Variants in SRGAP1 observed in about 807,000 individuals in gnomAD.
SRGAP1 encodes the protein SLIT-ROBO Rho GTPase-activating protein 1.
In SRGAP1, 43 loss-of-function variants were observed where a neutral mutation model predicts 121.9. The ratio of observed to expected loss-of-function variants is 0.35; its 90% CI spans 0.28 to 0.46. The LOEUF (loss-of-function observed/expected upper bound fraction) is 0.46. Ranked by LOEUF, SRGAP1 falls within the 20% of genes least tolerant of loss-of-function variation. The pLI is 1.00. For synonymous variants in SRGAP1, 447 were observed against 485.4 expected, an observed-to-expected ratio of 0.92 and a Z score of 1.04; for missense variants, 1,102 against 1,350.9, an observed-to-expected ratio of 0.82 and a Z score of 2.89.
intron 3 of SRGAP1, among the ~76,000 whole-genome samples, chr12:63,997,864 A>G (rs1175915347): frequency 6.6e-6 from 1 of 152,176 alleles, no homozygotes; most frequent in Non-Finnish European, 1.5e-5. Context: ...ACTTCTGACT[A>G]TGACGGCAGA....
At chr12:64,036,566 A>T (rs116110882) in intron 4 of SRGAP1, among the ~76,000 whole-genome samples, 215 of 152,346 alleles carry the variant, frequency 1.4e-3, no homozygotes, top group African/African-American at 5.0e-3. Flanking sequence ...TGTCACTAAC[A>T]TACTGTTTTT....
At chr12:64,072,008 G>A (rs770453845) in intron 8 of SRGAP1, among the ~76,000 whole-genome samples, 2 of 151,720 alleles carry the variant, frequency 1.3e-5, no homozygotes, top group Admixed American at 6.6e-5. Context: ...AGAAGGCCAT[G>A]GCAGGATGCT....
intron 4 of SRGAP1, chr12:64,032,740 A>G: frequency 4.2e-6 from 1 of 238,774 alleles, no homozygotes; most frequent in Non-Finnish European, 8.2e-6. Context: ...GATCTTGAGC[A>G]CATTTCAAAC....
intron 1 of SRGAP1, among the ~76,000 whole-genome samples, chr12:63,865,089 C>T (rs984848281): frequency 1.1e-4 from 16 of 152,230 alleles, no homozygotes; most frequent in African/African-American, 3.6e-4. Context: ...TAGGCTGAAA[C>T]ACATTTTTAT....
chr12:64,144,744 T>C lies in SRGAP1; in HGVS notation c.*2072T>C, dbSNP rs1056409269. 2.0e-5 allele frequency: 3 copies of C among 150,736 alleles called. No individual in the cohort carries two copies. Among genetic ancestry groups the C allele is most frequent in the African/African-American group, 7.4e-5 (3 of 40,760 alleles). 9.3% of individuals were successfully genotyped at this position (150,736 alleles called of 1,614,324 possible). Reference sequence around the variant, plus strand: ...TCAGCACCCTTGGACACCGTGGAGATCCAGCCAAGACTGAGCTTTGAATAG... The same window carrying C: ...TCAGCACCCTTGGACACCGTGGAGACCCAGCCAAGACTGAGCTTTGAATAG... On this transcript the variant is annotated 3_prime_UTR_variant, in exon 22 of 22. Transcript: ENST00000355086.
At chr12:63,983,795 AAAATATAT>A (rs2033319089) in intron 1 of SRGAP1, 144 bp from the exon 2 acceptor site, 3 of 114,890 alleles carry the variant, frequency 2.6e-5, no homozygotes, top group South Asian at 3.0e-4. Context: ...AAATACATTT[AAAATATAT>A]ATATATATAT....
chr12:64,064,420 G>A (rs1304870494), intron 7 of SRGAP1, among the ~76,000 whole-genome samples: 1 of 152,176 alleles, frequency 6.6e-6, no homozygotes, highest in East Asian at 1.9e-4. Flanking sequence ...CAAAACCTAA[G>A]ATAAGTGACT....
intron 1 of SRGAP1, among the ~76,000 whole-genome samples, chr12:63,848,966 A>T (rs1172881634): frequency 6.6e-6 from 1 of 152,266 alleles, no homozygotes; most frequent in African/African-American, 2.4e-5. Context: ...AATGTAGCAC[A>T]GAATTGTAAG....
intron 3 of SRGAP1, among the ~76,000 whole-genome samples, chr12:63,992,908 C>T (rs575967698): frequency 1.3e-5 from 2 of 152,276 alleles, no homozygotes; most frequent in South Asian, 4.1e-4. Flanking sequence ...TCAGCTTTCT[C>T]ATTCCTAACC....
intron 4 of SRGAP1, among the ~76,000 whole-genome samples, chr12:64,028,460 A>G (rs1466180857): frequency 6.6e-6 from 1 of 152,228 alleles, no homozygotes; most frequent in Non-Finnish European, 1.5e-5. Context: ...TGAGCACTGG[A>G]TAGGCTATAG....
chr12:64,111,174 C>A (rs1376693389), intron 16 of SRGAP1, among the ~76,000 whole-genome samples: 2 of 152,142 alleles, frequency 1.3e-5, no homozygotes, highest in African/African-American at 2.4e-5. Flanking sequence ...ACTGAGGATT[C>A]TTTTCCCCTT....
At chr12:63,999,886 G>A (rs971330316) in intron 3 of SRGAP1, among the ~76,000 whole-genome samples, 8 of 152,050 alleles carry the variant, frequency 5.3e-5, no homozygotes, top group African/African-American at 1.9e-4. Flanking sequence ...AGAAAAACTC[G>A]CAGCAAAACT....
intron 3 of SRGAP1, among the ~76,000 whole-genome samples, chr12:64,015,124 C>T (rs2034367942): frequency 1.3e-5 from 2 of 152,114 alleles, no homozygotes; most frequent in Admixed American, 6.5e-5. Flanking sequence ...GCCATCTTTT[C>T]TTTTTAGACT....
At position 64,149,213 on chromosome 12, in the gene SRGAP1, G is replaced by A. The variant is rs550459767; in HGVS notation, c.*6541G>A. 10 of 152,284 alleles carry A rather than the reference G, an allele frequency of 6.6e-5. No individual in the cohort carries two copies. The highest frequency in any genetic ancestry group is 4.1e-4 in the South Asian group (2 of 4,822). The allele number at this position is 152,284 out of a possible 1,614,324, so 9.4% of individuals were successfully genotyped here. On this transcript the variant is annotated 3_prime_UTR_variant, in exon 22 of 22. Transcript: ENST00000355086. ...AGGAATTGTTTTCCCAAACTATGAC[G>A]GAATAATGTTGAACTAACCTGTTGA... is the stretch of plus-strand genomic sequence containing the variant.
intron 8 of SRGAP1, among the ~76,000 whole-genome samples, chr12:64,068,196 T>C (rs1054093881): frequency 6.7e-6 from 1 of 148,968 alleles, no homozygotes; most frequent in Non-Finnish European, 1.5e-5. Flanking sequence ...GGAGAATCAC[T>C]TGAACCCGGG....
chr12:64,054,741 TC>T (rs1388019679), intron 6 of SRGAP1, among the ~76,000 whole-genome samples: 20 of 152,170 alleles, frequency 1.3e-4, no homozygotes, highest in Non-Finnish European at 2.4e-4. Context: ...AGTTTTTTTT[TC>T]TTTTATTATT....
intron 3 of SRGAP1, among the ~76,000 whole-genome samples, chr12:64,004,828 A>G (rs2034028559): frequency 6.6e-6 from 1 of 152,226 alleles, no homozygotes; most frequent in Admixed American, 6.5e-5. Context: ...ATTCTAAAGC[A>G]ACCTAAGAAC....
chr12:63,913,427 GATT>G (rs1262458997), intron 1 of SRGAP1, among the ~76,000 whole-genome samples: 2 of 137,698 alleles, frequency 1.5e-5, no homozygotes, highest in Non-Finnish European at 3.1e-5. Flanking sequence ...AAGGTGCTGG[GATT>G]ATAGGCATGT....
chr12:63,969,806 A>G (rs1316202637), intron 1 of SRGAP1, among the ~76,000 whole-genome samples: 1 of 151,978 alleles, frequency 6.6e-6, no homozygotes, highest in Non-Finnish European at 1.5e-5. Flanking sequence ...AAAGAAAAAA[A>G]AAAAAACTAA....
Sources: allele counts gnomAD v4.1 joint callset (sites outside exome capture counted in the v4.1 genomes callset), GRCh38; gene constraint gnomAD v4.1.1; transcripts MANE v1.5; gene names NCBI Gene and HGNC (gene_info 2026-07-23, HGNC 2026-07-21).